The following ATP6V1C1 variants were observed in gnomAD, a reference collection of about 807,000 sequenced individuals.
ATP6V1C1 encodes ATPase H+ transporting V1 subunit C1.
A neutral mutation model predicts 53.9 loss-of-function variants in ATP6V1C1; 45 were observed. The ratio of observed to expected loss-of-function variants is 0.83; its 90% confidence interval spans 0.66 to 1.07. The LOEUF (loss-of-function observed/expected upper bound fraction) is 1.07. Among genes scored for constraint, ATP6V1C1 ranks in the 50% least tolerant of loss-of-function variants. The pLI, the probability that ATP6V1C1 is intolerant of heterozygous loss-of-function variation, is 0.00. For missense variants in ATP6V1C1, 315 were observed against 440.3 expected (o/e 0.72, Z 2.55); for synonymous variants, 153 against 155.2 (o/e 0.99, Z 0.11).
At position 103,071,366 on chromosome 8, in the gene ATP6V1C1, C is replaced by CAT. The variant is rs1817583389; in HGVS notation, c.*2620_*2621dup. The CAT allele has an allele frequency of 6.6e-6, 1 of 152,170 alleles. No homozygotes were observed. The highest frequency in any genetic ancestry group is 2.1e-4 in the South Asian group (1 of 4,824). 9.4% of individuals were successfully genotyped at this position (152,170 alleles called of 1,614,324 possible). On this transcript the variant is annotated 3_prime_UTR_variant, in exon 13 of 13. Transcript: ENST00000518738. ...AGGGAGTACTGGCGGTCCCCATTTT[C>CAT]ATGTATGGAGACTTCAGGTGAAAGA... is the stretch of plus-strand genomic sequence containing the variant.
At chr8:103,029,731 A>T (rs184841115) in intron 1 of ATP6V1C1, among the ~76,000 whole-genome samples, 264 of 142,084 alleles carry the variant, frequency 1.9e-3, no homozygotes, top group African/African-American at 7.3e-3. Context: ...TATTTTATTT[A>T]AAAAAAATTT....
rs3779908 is a variant in ATP6V1C1 at position 103,042,298 on chromosome 8, A to T, written c.133-42A>T. The T allele has an allele frequency of 0.19, 272,533 of 1,459,452 alleles. 21,164 individuals are homozygous for T. Among genetic ancestry groups the T allele is most frequent in the Non-Finnish European group, 0.2 (211,546 of 1,062,602 alleles). 90.4% of individuals were successfully genotyped at this position (1,459,452 alleles called of 1,614,324 possible). On this transcript the variant is annotated intron_variant, in intron 2 of 12. Transcript: ENST00000518738. Reference sequence around the variant, plus strand: ...ATGAATCATCTTGTTTTTTTTTTTTAAAAAAGCATGCCACCTAAATAACAA... The same window carrying T: ...ATGAATCATCTTGTTTTTTTTTTTTTAAAAAGCATGCCACCTAAATAACAA...
chr8:103,035,421 GAGA>G (rs1387438858), intron 1 of ATP6V1C1, among the ~76,000 whole-genome samples: 1 of 152,168 alleles, frequency 6.6e-6, no homozygotes, highest in Non-Finnish European at 1.5e-5. Context: ...GGGTTTCACA[GAGA>G]AGAAGATATG....
intron 10 of ATP6V1C1, among the ~76,000 whole-genome samples, chr8:103,063,500 T>G (rs1273909438): frequency 6.6e-6 from 1 of 152,188 alleles, no homozygotes; most frequent in African/African-American, 2.4e-5. Flanking sequence ...AATACATACT[T>G]AAAAAGAAAT....
intron 1 of ATP6V1C1, among the ~76,000 whole-genome samples, chr8:103,024,324 TAGG>T (rs1816658382): frequency 1.3e-5 from 2 of 152,198 alleles, no homozygotes; most frequent in Non-Finnish European, 2.9e-5. Context: ...ATATTAGTCT[TAGG>T]AGCCTCATGT....
Position 103,028,630 on chromosome 8 carries a change from G to C in ATP6V1C1, c.-40+7405G>C, listed in dbSNP as rs150355688. On this transcript the variant is annotated intron_variant, in intron 1 of 12. Transcript: ENST00000518738. ...GAGTATAGGAGCAGAAGAGGATCCT[G>C]GATATTGTAATCCAATCCTCTCATT... Among the ~76,000 whole-genome samples the C allele has an allele frequency of 3.0e-3, 450 of 152,228 alleles. 2 individuals are homozygous for C. The highest frequency in any genetic ancestry group is 0.01 in the African/African-American group (426 of 41,534).
At chr8:103,065,923 TC>T (rs912644176) in intron 11 of ATP6V1C1, among the ~76,000 whole-genome samples, 4 of 151,522 alleles carry the variant, frequency 2.6e-5, no homozygotes, top group Non-Finnish European at 4.4e-5. Flanking sequence ...GTGCCTGTAA[TC>T]CCAGCTACTC....
chr8:103,059,686 C>T (rs1817359008), intron 8 of ATP6V1C1, among the ~76,000 whole-genome samples: 1 of 152,126 alleles, frequency 6.6e-6, no homozygotes, highest in South Asian at 2.1e-4. Flanking sequence ...CCAAGACCCA[C>T]TGCCACTGCT....
intron 3 of ATP6V1C1, among the ~76,000 whole-genome samples, chr8:103,045,379 A>G (rs1586317001): frequency 6.6e-6 from 1 of 152,292 alleles, no homozygotes; most frequent in East Asian, 1.9e-4. Context: ...ATGTTCTTTA[A>G]TATTGGAGTC....
chr8:103,032,329 C>T (rs1299645464), intron 1 of ATP6V1C1, among the ~76,000 whole-genome samples: 1 of 152,168 alleles, frequency 6.6e-6, no homozygotes, highest in African/African-American at 2.4e-5. Context: ...CCCTGCAACC[C>T]ACTGGAATGG....
At chr8:103,068,258 A>C (rs1346534358) in intron 12 of ATP6V1C1, among the ~76,000 whole-genome samples, 2 of 152,236 alleles carry the variant, frequency 1.3e-5, no homozygotes, top group African/African-American at 4.8e-5. Context: ...TTACAGAATA[A>C]GTATTACTTA....
chr8:103,062,481 G>A (rs575763380), intron 8 of ATP6V1C1, among the ~76,000 whole-genome samples: 8 of 152,172 alleles, frequency 5.3e-5, no homozygotes, highest in African/African-American at 1.4e-4. Flanking sequence ...GTCAGTTTTT[G>A]ATTGAGAGAT....
intron 1 of ATP6V1C1, among the ~76,000 whole-genome samples, chr8:103,025,970 T>C (rs1816687432): frequency 6.6e-6 from 1 of 152,218 alleles, no homozygotes; most frequent in African/African-American, 2.4e-5. Context: ...CCAGTCACTA[T>C]TATAAATTGC....
intron 1 of ATP6V1C1, among the ~76,000 whole-genome samples, chr8:103,037,745 TA>T (rs1816923712): frequency 6.6e-6 from 1 of 152,240 alleles, no homozygotes. Context: ...AGAAAAATGT[TA>T]AATATTGCCA....
At position 103,040,889 on chromosome 8, in the gene ATP6V1C1, C is replaced by A; in HGVS notation, c.53C>A (p.Thr18Lys). Residue 18 changes from threonine (T) to lysine (K), a missense_variant, in exon 2 of 13, where the codon ACA becomes AAA. Physicochemically the swap from Thr to Lys is moderately conservative, Grantham distance 78. Coordinates refer to ENST00000518738, the MANE Select transcript of ATP6V1C1 (RefSeq NM_001695.5). Reference sequence around the variant, plus strand: ...CCTGGGGAGAAAACCTGTCAGCAAACATGGGAGAAATTGCATGCGGCAACT... The same window carrying A: ...CCTGGGGAGAAAACCTGTCAGCAAAAATGGGAGAAATTGCATGCGGCAACT... ...SAPGEKTCQQ[T>K]WEKLHAATSK... 6.2e-7 allele frequency: 1 copy of A among 1,614,078 alleles called. No homozygotes were observed. Among genetic ancestry groups the A allele is most frequent in the Non-Finnish European group, 8.5e-7 (1 of 1,179,956 alleles).
At position 103,072,848 on chromosome 8, in the gene ATP6V1C1, A is replaced by C. The variant is rs969708376; in HGVS notation, c.*4101A>C. 1 of 152,234 alleles carries C rather than the reference A, an allele frequency of 6.6e-6. No homozygotes were observed. Among genetic ancestry groups the C allele is most frequent in the Non-Finnish European group, 1.5e-5 (1 of 68,050 alleles). 9.4% of individuals were successfully genotyped at this position (152,234 alleles called of 1,614,324 possible). Reference sequence around the variant, plus strand: ...TGGTTTCTTCTTCTGCAGAAGATGAAACTGAGGAGAAACAAGACAACATCC... The same window carrying C: ...TGGTTTCTTCTTCTGCAGAAGATGACACTGAGGAGAAACAAGACAACATCC... On this transcript the variant is annotated 3_prime_UTR_variant, in exon 13 of 13. Transcript: ENST00000518738.
chr8:103,027,459 C>A (rs147887893), intron 1 of ATP6V1C1, among the ~76,000 whole-genome samples: 1 of 152,126 alleles, frequency 6.6e-6, no homozygotes, highest in Non-Finnish European at 1.5e-5. Flanking sequence ...AGAAGCAGTG[C>A]CAGCAGATGT....
At chr8:103,053,832 G>A in intron 6 of ATP6V1C1, 52 bp from the exon 7 acceptor site, 24 of 1,306,544 alleles carry the variant, frequency 1.8e-5, no homozygotes, top group Non-Finnish European at 2.6e-5. Flanking sequence ...TTCTTTACTT[G>A]TGTTACAGAA....
At chr8:103,047,907 G>C (rs540881208) in intron 3 of ATP6V1C1, among the ~76,000 whole-genome samples, 3 of 152,168 alleles carry the variant, frequency 2.0e-5, no homozygotes, top group Non-Finnish European at 4.4e-5. Context: ...TCTGCAACCT[G>C]GCAATCTCAG....
Sources: gnomAD v4.1 joint callset for allele counts (sites outside exome capture counted in the v4.1 genomes callset) on GRCh38, gnomAD v4.1.1 for gene constraint, MANE v1.5 for transcripts, NCBI Gene and HGNC (gene_info 2026-07-23, HGNC 2026-07-21) for gene names.